PHYKPL: variants seen among roughly 807,000 people sequenced by gnomAD.
PHYKPL encodes 5-phosphohydroxy-L-lysine phospho-lyase, also known as 5-phosphonooxy-L-lysine phospho-lyase.
Under a neutral mutation model 51.3 loss-of-function variants are expected in PHYKPL, and 42 were observed. That is an observed-to-expected ratio of 0.82 (90% CI 0.64 to 1.06). The LOEUF (loss-of-function observed/expected upper bound fraction) is 1.06. Ranked by LOEUF, PHYKPL falls within the 50% of genes least tolerant of loss-of-function variation. The probability of loss-of-function intolerance (pLI) is 0.00; values close to 1 mark genes in which losing one functional copy is unlikely to be tolerated. For synonymous variants in PHYKPL, 264 were observed against 236.0 expected (o/e 1.12, Z -1.09); for missense variants, 655 against 586.6 (o/e 1.12, Z -1.20).
At chr5:178,216,579 A>G (rs1198513863) in intron 8 of PHYKPL, 1 of 152,250 alleles carries the variant, frequency 6.6e-6, no homozygotes, top group Non-Finnish European at 1.5e-5. Flanking sequence ...TATGATTTCC[A>G]CAGTTGCCAC....
chr5:178,226,077 T>G (rs1762229568), intron 3 of PHYKPL: 2 of 140,170 alleles, frequency 1.4e-5, no homozygotes, highest in Non-Finnish European at 3.2e-5. Context: ...CTTTGGAATT[T>G]CTTTTTTTTT....
chr5:178,214,306 G>A (rs1193767744), intron 10 of PHYKPL, among the ~76,000 whole-genome samples: 3 of 152,148 alleles, frequency 2.0e-5, no homozygotes, highest in African/African-American at 4.8e-5. Flanking sequence ...CATTGGGACC[G>A]GTGGAGTCTG....
At chr5:178,211,584 T>C (rs569429437) in intron 12 of PHYKPL, 10 of 294,184 alleles carry the variant, frequency 3.4e-5, no homozygotes, top group Non-Finnish European at 5.1e-5. Flanking sequence ...ATTGGCTGGA[T>C]TGGAGCCCAA....
intron 7 of PHYKPL, 124 bp downstream of exon 7, chr5:178,222,728 C>T (rs1342774871): frequency 7.4e-7 from 1 of 1,359,666 alleles, no homozygotes; most frequent in Non-Finnish European, 1.0e-6. Context: ...GCCATTCTTT[C>T]TTTAAGGGCT....
chr5:178,225,756 CA>C (rs1762157941), intron 3 of PHYKPL: 5 of 316,902 alleles, frequency 1.6e-5, no homozygotes, highest in Non-Finnish European at 2.4e-5. Flanking sequence ...TCTGTGACTC[CA>C]AAAAATATGT....
At position 178,228,687 on chromosome 5, in the gene PHYKPL, A is replaced by T. The variant is rs989905393; in HGVS notation, c.338+1253T>A. 2.3e-5 allele frequency: 16 copies of T among 689,952 alleles called. No homozygotes were observed. The African/African-American group carries it at 2.8e-4, about 12-fold the overall frequency. The allele number at this position is 689,952 out of a possible 1,614,324, so 42.7% of individuals were successfully genotyped here. A position where few individuals can be genotyped will look rare whatever the true frequency, so the allele number is the denominator to read the frequency against. On this transcript the variant is annotated intron_variant, in intron 3 of 12. Coordinates refer to ENST00000308158, the MANE Select transcript of PHYKPL (RefSeq NM_153373.4). ...GCCACAGTAATCATCACTATAATTC[A>T]ACGCCACCACCTACGATTTGTTGGA...
At chr5:178,228,722 C>G (rs1322942786) in intron 3 of PHYKPL, 1 of 666,040 alleles carries the variant, frequency 1.5e-6, no homozygotes, top group African/African-American at 1.8e-5. Context: ...AATGTTCTCT[C>G]CCAGATACAC....
At chr5:178,232,372 T>C (rs965928626) in intron 1 of PHYKPL, 120 bp downstream of exon 1, 31 of 1,306,480 alleles carry the variant, frequency 2.4e-5, no homozygotes, top group Admixed American at 8.4e-5. Flanking sequence ...CCGGACGGGA[T>C]GGGTAGCAGC....
rs971684600 is a variant in PHYKPL at position 178,211,875 on chromosome 5, G to C, written c.*31+15C>G. On this transcript the variant is annotated intron_variant, in intron 12 of 12. Coordinates refer to ENST00000308158, the MANE Select transcript of PHYKPL (RefSeq NM_153373.4). The stretch of plus-strand genomic sequence containing the variant: ...CGCTGTGCATCTTCAAGAGTAAGAA[G>C]CAAGGCCCACTCACCTGGAGTACAC... The C allele has an allele frequency of 6.3e-7, 1 of 1,594,626 alleles. No individual in the cohort carries two copies. The highest frequency in any genetic ancestry group is 1.1e-5 in the South Asian group (1 of 90,490).
In PHYKPL at chr5:178,227,612, G is replaced by T. The variant is rs564556473; in HGVS notation, c.339-2183C>A. Among the ~76,000 whole-genome samples the T allele has an allele frequency of 7.9e-5, 12 of 152,320 alleles. No homozygotes were observed. In the South Asian group the frequency reaches 2.1e-3, roughly 26 times the overall value. On this transcript the variant is annotated intron_variant, in intron 3 of 12. Transcript: ENST00000308158. ...GCCTAAGGAGGGCAGGGTAGGAGAG[G>T]AAGTGGGGAGACATGCAGGGGACAT...
intron 8 of PHYKPL, among the ~76,000 whole-genome samples, chr5:178,220,429 A>G (rs2113851440): frequency 6.6e-6 from 1 of 152,050 alleles, no homozygotes; most frequent in Non-Finnish European, 1.5e-5. Flanking sequence ...CAGGAGGCAG[A>G]GGTTGCAGTG....
rs1763762182 is a variant in PHYKPL, at chr5:178,232,600, C to T, written c.-50G>A. On this transcript the variant is annotated 5_prime_UTR_variant, in exon 1 of 13. Transcript: ENST00000308158. ...GTGACGCCACGCGGAGACGTCGCCG[C>T]GCGGGCTGGGCCTCCAAGGCCCCGC... The T allele has an allele frequency of 8.0e-7, 1 of 1,248,266 alleles. No individual in the cohort carries two copies. Among genetic ancestry groups the T allele is most frequent in the Non-Finnish European group, 1.0e-6 (1 of 997,622 alleles). 77.3% of individuals were successfully genotyped at this position (1,248,266 alleles called of 1,614,324 possible).
Position 178,224,576 on chromosome 5 carries a change from G to A in PHYKPL, c.502-12C>T. The A allele has an allele frequency of 6.2e-7, 1 of 1,614,126 alleles. No homozygotes were observed. ...TCTGGGAGAGGTGCCTGTGGGGAGT[G>A]ACAGCGCCATGTTATCCGGGCTTGG... is the stretch of plus-strand genomic sequence containing the variant. On this transcript the variant is annotated splice_polypyrimidine_tract_variant and intron_variant, in intron 5 of 12. Transcript: ENST00000308158.
intron 3 of PHYKPL, chr5:178,228,367 T>C (rs1028818338): frequency 1.3e-5 from 8 of 595,394 alleles, no homozygotes; most frequent in Admixed American, 2.9e-5. Context: ...TAACTGTCAA[T>C]TACTGCTGGG....
chr5:178,229,877 T>TA (rs1763029636), intron 3 of PHYKPL, 63 bp downstream of exon 3: 1 of 1,583,370 alleles, frequency 6.3e-7, no homozygotes, highest in South Asian at 1.1e-5. Context: ...ACTGGGCCCA[T>TA]GTGAGTGACT....
At chr5:178,218,768 A>G (rs1760485237) in intron 8 of PHYKPL, among the ~76,000 whole-genome samples, 1 of 152,252 alleles carries the variant, frequency 6.6e-6, no homozygotes, top group Admixed American at 6.5e-5. Context: ...ACAAAACACA[A>G]GGCCCAGATG....
Position 178,232,508 on chromosome 5 carries a change from T to C in PHYKPL, c.43A>G (p.Arg15Gly), listed in dbSNP as rs1432473642. 3 of 1,303,424 alleles carry C rather than the reference T, an allele frequency of 2.3e-6. No homozygotes were observed. The highest frequency in any genetic ancestry group is 1.9e-6 in the Non-Finnish European group (2 of 1,031,772). 80.7% of individuals were successfully genotyped at this position (1,303,424 alleles called of 1,614,324 possible). Residue 15 changes from arginine to glycine, a missense_variant, in exon 1 of 13, where the codon AGG becomes GGG. Arg to Gly is a moderately radical substitution (Grantham distance 125, BLOSUM62 -2). Transcript: ENST00000308158. ...QRPKADTLAL[R>G]QRLISSSCRL... is the part of the protein sequence containing the mutation. ...CCCGGGTACCTGATGAGCCGTTGCC[T>C]CAGGGCCAGCGTGTCGGCCTTCGGG... is the stretch of plus-strand genomic sequence containing the variant.
chr5:178,231,396 G>A lies in PHYKPL; in HGVS notation c.178+9C>T. The A allele has an allele frequency of 6.2e-7, 1 of 1,614,192 alleles. No homozygotes were observed. The highest frequency in any genetic ancestry group is 8.5e-7 in the Non-Finnish European group (1 of 1,180,016). On this transcript the variant is annotated intron_variant, in intron 2 of 12. Transcript: ENST00000308158. Reference sequence around the variant, plus strand: ...CTCCTGCCCTGCCAGCCTGAGGTGTGATACTGACCGTGCGCCACATTGCTG... The same window carrying A: ...CTCCTGCCCTGCCAGCCTGAGGTGTAATACTGACCGTGCGCCACATTGCTG...
Position 178,222,898 on chromosome 5 carries a change from C to T in PHYKPL, c.655G>A (p.Gly219Arg), listed in dbSNP as rs541478915. ...AFFAESLPSV[G>R]GQIIPPAGYF... ...CCAGCAGGGGGAATGATCTGCCCTC[C>T]CACACTGGGCAGAGACTCAGCGAAG... Residue 219 changes from glycine (G) to arginine (R), a missense_variant, in exon 7 of 13, where the codon GGA becomes AGA. Transcript: ENST00000308158. The T allele has an allele frequency of 5.7e-5, 92 of 1,614,010 alleles. No individual in the cohort carries two copies. The highest frequency in any genetic ancestry group is 7.7e-5 in the Non-Finnish European group (91 of 1,180,020).
Sources: gnomAD v4.1 joint callset for allele counts (sites outside exome capture counted in the v4.1 genomes callset) on GRCh38, gnomAD v4.1.1 for gene constraint, MANE v1.5 for transcripts, NCBI Gene and HGNC (gene_info 2026-07-23, HGNC 2026-07-21) for gene names.